ADORA2B: variants seen among roughly 807,000 people sequenced by gnomAD.
ADORA2B encodes the protein adenosine A2b receptor, also known as adenosine receptor A2b.
ADORA2B carries 18 observed loss-of-function variants against 20.8 expected under a neutral mutation model. That is an observed-to-expected ratio of 0.87 (90% CI 0.60 to 1.29). The LOEUF is 1.29. Among genes scored for constraint, ADORA2B ranks in the 50% most tolerant of loss-of-function variants. The pLI is 0.00. For missense variants in ADORA2B, 441 were observed against 422.7 expected, an observed-to-expected ratio of 1.04 and a Z score of -0.38; for synonymous variants, 179 against 178.3, an observed-to-expected ratio of 1.00 and a Z score of -0.03.
At chr17:15,853,942 C>CATTT in the ADORA2B span, among the ~76,000 whole-genome samples, 1 of 152,020 alleles carries the variant, frequency 6.6e-6, no homozygotes, top group Non-Finnish European at 1.5e-5. Context: ...TTCAGAGATA[C>CATTT]ATTTATTTAT....
chr17:15,859,281 AT>A, the ADORA2B span, among the ~76,000 whole-genome samples: 3 of 152,002 alleles, frequency 2.0e-5, no homozygotes, highest in Non-Finnish European at 4.4e-5. Context: ...CACAGTGACA[AT>A]TGCTTGCTTC....
the ADORA2B span, among the ~76,000 whole-genome samples, chr17:15,873,504 C>T: frequency 2.6e-5 from 4 of 152,072 alleles, no homozygotes; most frequent in African/African-American, 7.2e-5. Context: ...CAACAAAGGA[C>T]TAGTATCCAG....
intron 1 of ADORA2B, among the ~76,000 whole-genome samples, chr17:15,971,926 C>A (rs1325160118): frequency 6.6e-6 from 1 of 152,176 alleles, no homozygotes; most frequent in African/African-American, 2.4e-5. Flanking sequence ...AGCCACCATG[C>A]CTGGCCTGTG....
rs1187856881 is a variant in ADORA2B, at chr17:15,952,126, C to T, written c.335+6543C>T. Among the ~76,000 whole-genome samples, 3 of 152,160 alleles carry T rather than the reference C, an allele frequency of 2.0e-5. No homozygotes were observed. In the East Asian group the frequency reaches 5.8e-4, roughly 29 times the overall value. Reference sequence around the variant, plus strand: ...AAAAAAAGTCAACATTTTCCCACTACAGATCACCTGGCTCCTTTCTCGGTG... The same window carrying T: ...AAAAAAAGTCAACATTTTCCCACTATAGATCACCTGGCTCCTTTCTCGGTG... On this transcript the variant is annotated intron_variant, in intron 1 of 1. Transcript: ENST00000304222.
the ADORA2B span, among the ~76,000 whole-genome samples, chr17:15,922,201 T>A: frequency 6.6e-6 from 1 of 152,224 alleles, no homozygotes; most frequent in African/African-American, 2.4e-5. Context: ...TAACTACTGT[T>A]ATCAGTATTT....
At chr17:15,945,875 GGGGAAAGCGTCACCCCC>G (rs1969798548) in intron 1 of ADORA2B, among the ~76,000 whole-genome samples, 1 of 150,116 alleles carries the variant, frequency 6.7e-6, no homozygotes, top group Non-Finnish European at 1.5e-5. Flanking sequence ...TGGAAACCCC[GGGGAAAGCGTCACCCCC>G]GGGGAAAGCG....
At chr17:15,950,993 G>A (rs1209308631) in intron 1 of ADORA2B, among the ~76,000 whole-genome samples, 6 of 152,202 alleles carry the variant, frequency 3.9e-5, no homozygotes, top group African/African-American at 1.4e-4. Context: ...AGGATGCAGC[G>A]CGATGCCGGC....
the ADORA2B span, among the ~76,000 whole-genome samples, chr17:15,858,499 A>G: frequency 6.6e-6 from 1 of 152,240 alleles, no homozygotes; most frequent in East Asian, 1.9e-4. Flanking sequence ...ACTGGGGTGC[A>G]GGAGTGAAAG....
intron 1 of ADORA2B, among the ~76,000 whole-genome samples, chr17:15,966,768 C>A (rs2151606347): frequency 6.6e-6 from 1 of 152,354 alleles, no homozygotes; most frequent in Admixed American, 6.5e-5. Flanking sequence ...TGTGGGCCTG[C>A]AAAGGCTGGG....
At chr17:15,941,694 C>T (rs2151588329), upstream of ADORA2B, among the ~76,000 whole-genome samples, 1 of 147,058 alleles carries the variant, frequency 6.8e-6, no homozygotes, top group East Asian at 2.0e-4. Context: ...CACCATGGTG[C>T]TACAGCTTCA....
chr17:15,874,064 G>GTATATA, the ADORA2B span, among the ~76,000 whole-genome samples: 4,573 of 144,420 alleles, frequency 0.032, 315 homozygotes, highest in African/African-American at 0.12. Context: ...ATATATGTGT[G>GTATATA]TGTGTATATA....
the ADORA2B span, among the ~76,000 whole-genome samples, chr17:15,915,630 G>A: frequency 2.6e-5 from 4 of 152,204 alleles, no homozygotes; most frequent in Non-Finnish European, 5.9e-5. Context: ...AAGGGAATGA[G>A]ATTAATTATA....
chr17:15,879,751 A>G, the ADORA2B span, among the ~76,000 whole-genome samples: 4 of 150,166 alleles, frequency 2.7e-5, no homozygotes, highest in African/African-American at 7.5e-5. Context: ...GTTAGCCAGG[A>G]TGGTCTTGAT....
At chr17:15,864,651 C>T in the ADORA2B span, among the ~76,000 whole-genome samples, 7 of 152,120 alleles carry the variant, frequency 4.6e-5, no homozygotes, top group African/African-American at 1.4e-4. Flanking sequence ...GGACATGGGT[C>T]GGCTTATCTG....
chr17:15,866,730 GCTGCCT>G, the ADORA2B span, among the ~76,000 whole-genome samples: 28 of 144,318 alleles, frequency 1.9e-4, no homozygotes, highest in African/African-American at 6.6e-4. Context: ...TGCCGCTGCC[GCTGCCT>G]CTGCCTCTGC....
the ADORA2B span, among the ~76,000 whole-genome samples, chr17:15,867,502 T>C: frequency 0.46 from 64,935 of 142,632 alleles, 16,969 homozygotes; most frequent in African/African-American, 0.74. Context: ...GGAGCCCCTC[T>C]GCCCGGCGGC....
At chr17:15,900,334 A>G in the ADORA2B span, among the ~76,000 whole-genome samples, 1 of 152,194 alleles carries the variant, frequency 6.6e-6, no homozygotes, top group Non-Finnish European at 1.5e-5. Context: ...AAATCTCCGA[A>G]TCGCTTTCCA....
chr17:15,912,426 C>T, the ADORA2B span, among the ~76,000 whole-genome samples: 1 of 152,032 alleles, frequency 6.6e-6, no homozygotes, highest in Non-Finnish European at 1.5e-5. Flanking sequence ...AATGAGGCTG[C>T]CTGTCCTGAA....
At chr17:15,932,951 A>ATTTTT in the ADORA2B span, among the ~76,000 whole-genome samples, 2 of 135,970 alleles carry the variant, frequency 1.5e-5, no homozygotes, top group South Asian at 4.6e-4. Context: ...TAGTCCTTCA[A>ATTTTT]TTTTTTTTTT....
Sources: gnomAD v4.1 joint callset for allele counts (sites outside exome capture counted in the v4.1 genomes callset) on GRCh38, gnomAD v4.1.1 for gene constraint, MANE v1.5 for transcripts, NCBI Gene and HGNC (gene_info 2026-07-23, HGNC 2026-07-21) for gene names.